SFTPD: variants seen among roughly 807,000 people sequenced by gnomAD.
SFTPD encodes the protein pulmonary surfactant-associated protein D.
In SFTPD, 18 loss-of-function variants were observed where a neutral mutation model predicts 34.6. The ratio of observed to expected loss-of-function variants is 0.52; its 90% CI spans 0.36 to 0.77. The LOEUF is 0.77. Among genes scored for constraint, SFTPD ranks in the 30% least tolerant of loss-of-function variants. The pLI, the probability that SFTPD is intolerant of heterozygous loss-of-function variation, is 0.00. For missense variants in SFTPD, 433 were observed against 468.9 expected, an observed-to-expected ratio of 0.92 and a Z score of 0.71; for synonymous variants, 155 against 180.9, an observed-to-expected ratio of 0.86 and a Z score of 1.15.
At chr10:79,978,253 A>G (rs1030808369) in intron 1 of SFTPD, among the ~76,000 whole-genome samples, 2 of 152,228 alleles carry the variant, frequency 1.3e-5, no homozygotes, top group Non-Finnish European at 2.9e-5. Flanking sequence ...CATCACAACA[A>G]TAGTGTGAAG....
chr10:79,950,523 G>C (rs566176241), upstream of SFTPD: 2 of 152,280 alleles, frequency 1.3e-5, no homozygotes, highest in African/African-American at 2.4e-5. Flanking sequence ...ATCTCTTCTG[G>C]CTTGTAAGGT....
chr10:79,956,345 G>A (rs1401255008), intron 1 of SFTPD, among the ~76,000 whole-genome samples: 5 of 152,238 alleles, frequency 3.3e-5, no homozygotes, highest in African/African-American at 1.2e-4. Flanking sequence ...AGCCAAAGCA[G>A]GGCGAGGCAT....
chr10:79,966,891 C>G (rs548125542), intron 1 of SFTPD, among the ~76,000 whole-genome samples: 1 of 147,806 alleles, frequency 6.8e-6, no homozygotes, highest in Non-Finnish European at 1.5e-5. Context: ...AAAACTGGCA[C>G]AAGACAGGGA....
intron 1 of SFTPD, among the ~76,000 whole-genome samples, chr10:79,981,617 C>T (rs1235569520): frequency 6.6e-6 from 1 of 152,144 alleles, no homozygotes; most frequent in Non-Finnish European, 1.5e-5. Context: ...ATTCTTCGTC[C>T]TCCCCTGGCG....
At chr10:79,951,289 T>C (rs1842708594), upstream of SFTPD, among the ~76,000 whole-genome samples, 1 of 152,234 alleles carries the variant, frequency 6.6e-6, no homozygotes, top group South Asian at 2.1e-4. Flanking sequence ...GTGCTTATGC[T>C]GATTTCTTCT....
At chr10:79,940,210 C>A (rs1287486297) in intron 7 of SFTPD, among the ~76,000 whole-genome samples, 4 of 152,216 alleles carry the variant, frequency 2.6e-5, no homozygotes, top group Non-Finnish European at 4.4e-5. Flanking sequence ...GACTCCCATA[C>A]CTGGCCCCTC....
chr10:79,961,395 C>CA (rs1316059695), intron 1 of SFTPD, among the ~76,000 whole-genome samples: 2 of 150,850 alleles, frequency 1.3e-5, no homozygotes, highest in African/African-American at 4.9e-5. Context: ...GCAACCTACT[C>CA]ATCTGATAAA....
At chr10:79,944,186 C>G (rs1347953779) in intron 2 of SFTPD, among the ~76,000 whole-genome samples, 1 of 152,202 alleles carries the variant, frequency 6.6e-6, no homozygotes, top group African/African-American at 2.4e-5. Flanking sequence ...TCCATTCACT[C>G]ACTCCATAAA....
chr10:79,943,296 A>T (rs1487040514), intron 2 of SFTPD, among the ~76,000 whole-genome samples: 1 of 152,086 alleles, frequency 6.6e-6, no homozygotes, highest in Non-Finnish European at 1.5e-5. Context: ...TTGCTCATTT[A>T]TTTGTTCACT....
rs573393645 is a variant in SFTPD at position 79,967,500 on chromosome 10, T to C, written c.36+15075A>G. ...AAAAGAGCCCGCATCGCCAAGTCAA[T>C]CCTAAGCCAAAAGAACAAAGCTGGA... On this transcript the variant is annotated intron_variant, in intron 1 of 5. Transcript: ENST00000444384. Among the ~76,000 whole-genome samples the C allele has an allele frequency of 2.4e-4, 33 of 137,540 alleles. 1 individual carries two copies. Among genetic ancestry groups the C allele is most frequent in the Non-Finnish European group, 4.1e-4 (27 of 65,602 alleles). 90.2% of individuals were successfully genotyped at this position (137,540 alleles called of 152,430 possible). A position where few individuals can be genotyped will look rare whatever the true frequency, so the allele number is the denominator to read the frequency against.
chr10:79,940,650 T>G (rs540332168), intron 7 of SFTPD, 55 bp downstream of exon 7: 31 of 1,171,630 alleles, frequency 2.6e-5, no homozygotes, highest in Non-Finnish European at 4.0e-5. Flanking sequence ...AAGGTCAAGA[T>G]CTAGTGTGGG....
At position 79,946,549 on chromosome 10, in the gene SFTPD, C is replaced by G. The variant is rs1218430631; in HGVS notation, c.111G>C (p.Leu37=). ...SHRTMPSACT[L]VMCSSVESGL... ...CACTCTCCACTGAGCTACACATGAC[C>G]AGGGTGCAAGCACTGGGCATTGTTC... is the stretch of plus-strand genomic sequence containing the variant. Residue 37 remains leucine (L), a synonymous_variant, in exon 2 of 8, where the codon CTG becomes CTC. Coordinates refer to ENST00000372292, the MANE Select transcript of SFTPD (RefSeq NM_003019.5). 3 of 1,614,198 alleles carry G rather than the reference C, an allele frequency of 1.9e-6. No homozygotes were observed. Among genetic ancestry groups the G allele is most frequent in the Non-Finnish European group, 2.5e-6 (3 of 1,180,018 alleles).
At chr10:79,944,653 G>C (rs900886914) in intron 2 of SFTPD, among the ~76,000 whole-genome samples, 2 of 152,140 alleles carry the variant, frequency 1.3e-5, no homozygotes, top group African/African-American at 4.8e-5. Context: ...GCTGTAAGGT[G>C]TGTGATTTGT....
chr10:79,948,692 G>C (rs992241964), intron 1 of SFTPD, among the ~76,000 whole-genome samples: 2 of 152,174 alleles, frequency 1.3e-5, no homozygotes, highest in African/African-American at 4.8e-5. Context: ...GTGAGTGCCT[G>C]GGTTTGTCTC....
chr10:79,973,282 C>T (rs1005023576), intron 1 of SFTPD: 1 of 152,022 alleles, frequency 6.6e-6, no homozygotes, highest in Non-Finnish European at 1.5e-5. Flanking sequence ...AAGGATACAT[C>T]ATGGATCTTC....
At chr10:79,942,652 C>T in intron 3 of SFTPD, 111 bp downstream of exon 3, 1 of 947,654 alleles carries the variant, frequency 1.1e-6, no homozygotes, top group Non-Finnish European at 1.7e-6. Context: ...TGACCCAGTG[C>T]CACCTTCAGA....
At chr10:79,938,836 G>A (rs994127045) in intron 7 of SFTPD, among the ~76,000 whole-genome samples, 11 of 152,132 alleles carry the variant, frequency 7.2e-5, no homozygotes, top group African/African-American at 1.9e-4. Context: ...GCCTCATGTC[G>A]GCCTCTTAGT....
At chr10:79,967,634 T>G in intron 1 of SFTPD, among the ~76,000 whole-genome samples, 1 of 136,384 alleles carries the variant, frequency 7.3e-6, no homozygotes, top group South Asian at 2.5e-4. Context: ...AACAGAGCCC[T>G]CAGAAATAAT....
chr10:79,937,829 C>T lies in SFTPD; in HGVS notation c.*23G>A. ...TCTGGCCAAACTCCTGGGCCAAGCA[C>T]TGCCCCACCCACCCCAGTTGGCTCA... On this transcript the variant is annotated 3_prime_UTR_variant, in exon 8 of 8. Transcript: ENST00000372292. 6.6e-7 allele frequency: 1 copy of T among 1,520,938 alleles called. No homozygotes were observed. The highest frequency in any genetic ancestry group is 1.3e-5 in the South Asian group (1 of 76,566). 94.2% of individuals were successfully genotyped at this position (1,520,938 alleles called of 1,614,324 possible). A position where few individuals can be genotyped will look rare whatever the true frequency, so the allele number is the denominator to read the frequency against.
Sources: allele counts gnomAD v4.1 joint callset (sites outside exome capture counted in the v4.1 genomes callset), GRCh38; gene constraint gnomAD v4.1.1; transcripts MANE v1.5; gene names NCBI Gene and HGNC (gene_info 2026-07-23, HGNC 2026-07-21).